The following COMMD10 variants were observed in gnomAD, a reference collection of about 807,000 sequenced individuals.
The protein encoded by COMMD10 is COMM domain-containing protein 10.
Under a neutral mutation model 28.9 loss-of-function variants are expected in COMMD10, and 33 were observed. The ratio of observed to expected loss-of-function variants is 1.14; its 90% confidence interval spans 0.87 to 1.53. COMMD10 has a LOEUF of 1.53. COMMD10 is among the 40% of genes most tolerant of loss of function. The probability of loss-of-function intolerance (pLI) is 0.00; values close to 1 mark genes in which losing one functional copy is unlikely to be tolerated. For synonymous variants in COMMD10, 110 were observed against 81.7 expected, an observed-to-expected ratio of 1.35 and a Z score of -1.87; for missense variants, 310 against 233.4, an observed-to-expected ratio of 1.33 and a Z score of -2.14.
At chr5:116,280,461 G>A (rs888560898) in intron 5 of COMMD10, among the ~76,000 whole-genome samples, 10 of 151,716 alleles carry the variant, frequency 6.6e-5, no homozygotes, top group East Asian at 1.9e-4. Flanking sequence ...GTTGCCCCAC[G>A]TACAGTTCTT....
At chr5:116,135,694 A>G (rs1323464660) in intron 5 of COMMD10, among the ~76,000 whole-genome samples, 1 of 152,128 alleles carries the variant, frequency 6.6e-6, no homozygotes, top group African/African-American at 2.4e-5. Context: ...ATTGTTGTTA[A>G]TCTCTTACAG....
intron 5 of COMMD10, among the ~76,000 whole-genome samples, chr5:116,220,589 A>G (rs1038827868): frequency 6.6e-6 from 1 of 152,204 alleles, no homozygotes; most frequent in Non-Finnish European, 1.5e-5. Context: ...CCAGGGATAC[A>G]TATGCAACCC....
rs904626820 is a variant in COMMD10, at chr5:116,196,666, T to A, written c.510+62488T>A. Among the ~76,000 whole-genome samples the A allele has an allele frequency of 2.6e-5, 4 of 152,068 alleles. No individual in the cohort carries two copies. In the South Asian group the frequency reaches 8.3e-4, roughly 31 times the overall value. On this transcript the variant is annotated intron_variant, in intron 5 of 6. Coordinates refer to ENST00000274458, the MANE Select transcript of COMMD10 (RefSeq NM_016144.4). ...AAGAAAAATGTTTATTATTTAAGGC[T>A]GTGTGCAGTATGTGCTTATATTCAA... is the stretch of plus-strand genomic sequence containing the variant.
At chr5:116,179,443 G>A (rs760399950) in intron 5 of COMMD10, among the ~76,000 whole-genome samples, 40 of 152,138 alleles carry the variant, frequency 2.6e-4, no homozygotes, top group Admixed American at 1.2e-3. Flanking sequence ...CTTTCCATTC[G>A]TAAATACCCA....
intron 5 of COMMD10, among the ~76,000 whole-genome samples, chr5:116,237,076 G>A (rs1029219122): frequency 6.6e-6 from 1 of 152,120 alleles, no homozygotes; most frequent in African/African-American, 2.4e-5. Context: ...GCTGACGTGA[G>A]CACTGAGCAA....
At chr5:116,233,418 T>G (rs1176836371) in intron 5 of COMMD10, among the ~76,000 whole-genome samples, 3 of 152,136 alleles carry the variant, frequency 2.0e-5, no homozygotes, top group Non-Finnish European at 2.9e-5. Flanking sequence ...TTGAAATATA[T>G]CTCCCACAGA....
chr5:116,248,141 A>AAC (rs2112670562), intron 5 of COMMD10, among the ~76,000 whole-genome samples: 1 of 152,010 alleles, frequency 6.6e-6, no homozygotes, highest in African/African-American at 2.4e-5. Flanking sequence ...GCCAAAAAAA[A>AAC]AAAAATAACT....
At chr5:116,125,188 G>T (rs1030290027) in intron 4 of COMMD10, among the ~76,000 whole-genome samples, 2 of 152,110 alleles carry the variant, frequency 1.3e-5, no homozygotes, top group East Asian at 3.8e-4. Flanking sequence ...GCAGTGGCTG[G>T]TACCAGTTGT....
intron 5 of COMMD10, among the ~76,000 whole-genome samples, chr5:116,175,900 G>A (rs946039240): frequency 6.6e-6 from 1 of 152,104 alleles, no homozygotes; most frequent in East Asian, 1.9e-4. Flanking sequence ...ATTGTTTAAT[G>A]GGTACAGAGC....
chr5:116,225,354 A>ATTTTTTTTTTTTTTTTTTTT (rs3073081), intron 5 of COMMD10, among the ~76,000 whole-genome samples: 1 of 132,402 alleles, frequency 7.6e-6, no homozygotes, highest in Non-Finnish European at 1.5e-5. Flanking sequence ...TTTTTTGGGG[A>ATTTTTTTTTTTTTTTTTTTT]TTTTTTTTTT....
At chr5:116,268,659 G>A (rs1438334946) in intron 5 of COMMD10, among the ~76,000 whole-genome samples, 1 of 151,810 alleles carries the variant, frequency 6.6e-6, no homozygotes, top group African/African-American at 2.4e-5. Context: ...TATGTTTATT[G>A]CGGCACTATT....
chr5:116,111,052 T>C (rs1460399807), intron 4 of COMMD10, among the ~76,000 whole-genome samples: 1 of 152,218 alleles, frequency 6.6e-6, no homozygotes, highest in African/African-American at 2.4e-5. Context: ...GCAAGTTTTC[T>C]AGTTTATGAA....
intron 5 of COMMD10, among the ~76,000 whole-genome samples, chr5:116,168,866 A>G (rs750880573): frequency 3.9e-5 from 6 of 152,220 alleles, no homozygotes; most frequent in Non-Finnish European, 8.8e-5. Context: ...AACTGCCCAC[A>G]GGAGAAAGCG....
intron 5 of COMMD10, among the ~76,000 whole-genome samples, chr5:116,223,390 T>C (rs991380460): frequency 8.5e-5 from 13 of 152,136 alleles, no homozygotes; most frequent in Non-Finnish European, 7.3e-5. Context: ...TGGCTATCTA[T>C]ATTTTATTTT....
Position 116,150,116 on chromosome 5 carries a change from A to T in COMMD10, c.510+15938A>T, listed in dbSNP as rs11241368. Among the ~76,000 whole-genome samples the T allele has an allele frequency of 1.3e-5, 2 of 151,974 alleles. 1 individual carries two copies. Among genetic ancestry groups the T allele is most frequent in the South Asian group, 4.1e-4 (2 of 4,820 alleles). On this transcript the variant is annotated intron_variant, in intron 5 of 6. Transcript: ENST00000274458. ...CAGCACCATTTATTAAATAGGGAAT[A>T]CTTTCCCCATTTCTTGTTTTTGTCA...
chr5:116,215,895 T>C (rs765204325), intron 5 of COMMD10, among the ~76,000 whole-genome samples: 4 of 151,588 alleles, frequency 2.6e-5, no homozygotes, highest in Non-Finnish European at 2.9e-5. Context: ...AATTTGCAGA[T>C]GAATATTGGA....
intron 5 of COMMD10, among the ~76,000 whole-genome samples, chr5:116,153,387 C>T (rs1020945705): frequency 4.6e-5 from 7 of 151,984 alleles, no homozygotes; most frequent in Admixed American, 3.9e-4. Flanking sequence ...CTCATTGTTT[C>T]TTCTGTGGAT....
chr5:116,236,614 T>A (rs1050032889), intron 5 of COMMD10, among the ~76,000 whole-genome samples: 37 of 151,668 alleles, frequency 2.4e-4, no homozygotes, highest in Non-Finnish European at 1.9e-4. Flanking sequence ...CTATACTGCA[T>A]GATTCCAACT....
At chr5:116,153,956 A>C (rs553194009) in intron 5 of COMMD10, among the ~76,000 whole-genome samples, 29 of 151,974 alleles carry the variant, frequency 1.9e-4, no homozygotes, top group African/African-American at 4.6e-4. Context: ...AGAATTAGAG[A>C]ATTTAGGGGC....
Sources: allele counts gnomAD v4.1 joint callset (sites outside exome capture counted in the v4.1 genomes callset), GRCh38; gene constraint gnomAD v4.1.1; transcripts MANE v1.5; gene names NCBI Gene and HGNC (gene_info 2026-07-23, HGNC 2026-07-21).